RAB8B: variants seen among roughly 807,000 people sequenced by gnomAD.
RAB8B encodes the protein RAB8B, member RAS oncogene family.
In RAB8B, 11 loss-of-function variants were observed where a neutral mutation model predicts 32.0. The ratio of observed to expected loss-of-function variants is 0.34; its 90% CI spans 0.22 to 0.57. RAB8B has a LOEUF of 0.57. Ranked by LOEUF, RAB8B falls within the 20% of genes least tolerant of loss-of-function variation. RAB8B has a pLI of 0.86. For missense variants in RAB8B, 190 were observed against 258.5 expected, an observed-to-expected ratio of 0.73 and a Z score of 1.82; for synonymous variants, 103 against 89.6, an observed-to-expected ratio of 1.15 and a Z score of -0.85.
At chr15:63,241,398 CTTTTAA>C (rs1238343076) in intron 1 of RAB8B, among the ~76,000 whole-genome samples, 1 of 152,098 alleles carries the variant, frequency 6.6e-6, no homozygotes, top group Non-Finnish European at 1.5e-5. Flanking sequence ...GGACATTGGC[CTTTTAA>C]TTAATTTATT....
chr15:63,262,855 G>A (rs1019810127), intron 7 of RAB8B, 113 bp downstream of exon 7: 2 of 334,994 alleles, frequency 6.0e-6, no homozygotes, highest in Non-Finnish European at 1.0e-5. Context: ...TCCTGACTCA[G>A]ATACTCATTT....
chr15:63,261,405 A>G (rs2038202605), intron 6 of RAB8B, among the ~76,000 whole-genome samples: 1 of 152,250 alleles, frequency 6.6e-6, no homozygotes, highest in South Asian at 2.1e-4. Context: ...CAGTCTCACT[A>G]CTGAGTATTT....
intron 1 of RAB8B, among the ~76,000 whole-genome samples, chr15:63,237,403 G>A (rs2037989935): frequency 1.3e-5 from 2 of 152,074 alleles, no homozygotes; most frequent in South Asian, 4.1e-4. Flanking sequence ...GTTTGTTATT[G>A]CCTATCTTTT....
intron 1 of RAB8B, among the ~76,000 whole-genome samples, chr15:63,225,940 A>G (rs1485442417): frequency 6.6e-6 from 1 of 152,142 alleles, no homozygotes; most frequent in African/African-American, 2.4e-5. Context: ...TCCTGGGCTC[A>G]AGCAATCATC....
At chr15:63,251,657 A>T (rs2038117447) in intron 3 of RAB8B, among the ~76,000 whole-genome samples, 2 of 152,176 alleles carry the variant, frequency 1.3e-5, no homozygotes, top group Admixed American at 6.5e-5. Flanking sequence ...ATTACCTTCC[A>T]CATTTTGAAG....
At chr15:63,193,866 T>C (rs1408393332) in intron 1 of RAB8B, among the ~76,000 whole-genome samples, 2 of 152,174 alleles carry the variant, frequency 1.3e-5, no homozygotes, top group Admixed American at 6.5e-5. Context: ...CTGTAAAATG[T>C]AACATAAAGA....
intron 1 of RAB8B, among the ~76,000 whole-genome samples, chr15:63,200,795 C>T (rs1372545737): frequency 6.6e-6 from 1 of 152,236 alleles, no homozygotes; most frequent in East Asian, 1.9e-4. Context: ...CAAAGCCTGA[C>T]ATTGAGCATT....
chr15:63,196,454 G>C (rs2037600836), intron 1 of RAB8B, among the ~76,000 whole-genome samples: 1 of 152,330 alleles, frequency 6.6e-6, no homozygotes, highest in Middle Eastern at 3.4e-3. Context: ...GTGGGCTTTG[G>C]GGAGTCAGTT....
intron 1 of RAB8B, among the ~76,000 whole-genome samples, chr15:63,190,721 C>T (rs1232294398): frequency 1.3e-5 from 2 of 152,152 alleles, no homozygotes; most frequent in East Asian, 1.9e-4. Context: ...ATATGGTTCA[C>T]CTCTTTACTA....
rs1407199208 is a variant in RAB8B at position 63,266,385 on chromosome 15, A to C, written c.*2766A>C. On this transcript the variant is annotated 3_prime_UTR_variant, in exon 8 of 8. Transcript: ENST00000321437. The stretch of plus-strand genomic sequence containing the variant: ...TTATTTTAGCTATATTTTACTTCAG[A>C]CAGATTATGATACAATAATCTACCT... The C allele has an allele frequency of 1.3e-5, 2 of 152,628 alleles. No homozygotes were observed. The highest frequency in any genetic ancestry group is 2.9e-5 in the Non-Finnish European group (2 of 68,004). The allele number at this position is 152,628 out of a possible 1,614,324, so 9.5% of individuals were successfully genotyped here.
intron 1 of RAB8B, among the ~76,000 whole-genome samples, chr15:63,235,304 G>A (rs1041488778): frequency 1.3e-5 from 2 of 152,246 alleles, no homozygotes; most frequent in Admixed American, 6.5e-5. Flanking sequence ...GAATAAGAGC[G>A]ATAGAGCCTG....
intron 4 of RAB8B, 113 bp downstream of exon 4, chr15:63,255,697 T>C (rs1022767708): frequency 2.5e-6 from 2 of 809,862 alleles, no homozygotes; most frequent in Non-Finnish European, 4.1e-6. Flanking sequence ...ATGGGCAGGT[T>C]GGGCCCTCTC....
intron 2 of RAB8B, among the ~76,000 whole-genome samples, chr15:63,245,740 C>T (rs1322443696): frequency 6.6e-6 from 1 of 152,198 alleles, no homozygotes; most frequent in Non-Finnish European, 1.5e-5. Context: ...TTTGGATATT[C>T]TTGGATTTTG....
chr15:63,257,292 C>A (rs1359003902), intron 5 of RAB8B, among the ~76,000 whole-genome samples: 1 of 148,618 alleles, frequency 6.7e-6, no homozygotes, highest in East Asian at 2.0e-4. Flanking sequence ...CAAAGTCTTG[C>A]TCTGTCTCCC....
In RAB8B at chr15:63,259,695, A is replaced by G; in HGVS notation, c.480+3A>G. On this transcript the variant is annotated splice_donor_region_variant and intron_variant, in intron 6 of 7. Transcript: ENST00000321437. The surrounding 1 kb of genome is among the most constrained non-coding windows in gnomAD (Gnocchi z 4.4). ...AATCCAGTGCAAATGTAGAAGAGGT[A>G]AGAAGGAAACGTTTGGTGACTGTTA... 6.2e-7 allele frequency: 1 copy of G among 1,613,280 alleles called. No individual in the cohort carries two copies. Among genetic ancestry groups the G allele is most frequent in the South Asian group, 1.1e-5 (1 of 91,068 alleles).
chr15:63,195,651 GAGCTGCTGGCCTC>G (rs1283004205), intron 1 of RAB8B, among the ~76,000 whole-genome samples: 1 of 152,222 alleles, frequency 6.6e-6, no homozygotes, highest in Non-Finnish European at 1.5e-5. Flanking sequence ...GATGAGCAGG[GAGCTGCTGGCCTC>G]AGGCCAGCTC....
intron 1 of RAB8B, among the ~76,000 whole-genome samples, chr15:63,218,833 C>G (rs1448722507): frequency 6.6e-6 from 1 of 151,834 alleles, no homozygotes; most frequent in Non-Finnish European, 1.5e-5. Context: ...TCTTAGCCTC[C>G]CTGCTTGTTA....
In RAB8B at chr15:63,264,890, A is replaced by G. The variant is rs2038233094; in HGVS notation, c.*1271A>G. The G allele has an allele frequency of 6.6e-6, 1 of 152,660 alleles. No homozygotes were observed. The highest frequency in any genetic ancestry group is 1.5e-5 in the Non-Finnish European group (1 of 68,040). 9.5% of individuals were successfully genotyped at this position (152,660 alleles called of 1,614,324 possible). ...TCCATCTGTTTTGGTTCATTGTTAC[A>G]GAACTTAGTCCAGTCATTTGGGCTA... On this transcript the variant is annotated 3_prime_UTR_variant, in exon 8 of 8. Coordinates refer to ENST00000321437, the MANE Select transcript of RAB8B (RefSeq NM_016530.3).
At chr15:63,258,604 G>A (rs563366456) in intron 5 of RAB8B, among the ~76,000 whole-genome samples, 23 of 152,222 alleles carry the variant, frequency 1.5e-4, no homozygotes, top group African/African-American at 4.3e-4. Flanking sequence ...CAAATTTATC[G>A]AAATGAAAGT....
Sources: gnomAD v4.1 joint callset for allele counts (sites outside exome capture counted in the v4.1 genomes callset) on GRCh38, gnomAD v4.1.1 for gene constraint, Gnocchi (gnomAD v3.1) non-coding constraint, MANE v1.5 for transcripts, NCBI Gene and HGNC (gene_info 2026-07-23, HGNC 2026-07-21) for gene names.